Variants in ANKRD17 observed in about 807,000 individuals in gnomAD.
ANKRD17 encodes the protein ankyrin repeat domain-containing protein 17.
A neutral mutation model predicts 229.7 loss-of-function variants in ANKRD17; 19 were observed. That is an observed-to-expected ratio of 0.08 (90% CI 0.06 to 0.12). The LOEUF (loss-of-function observed/expected upper bound fraction) is 0.12. ANKRD17 is among the 10% of genes least tolerant of loss of function. The pLI, the probability that ANKRD17 is intolerant of heterozygous loss-of-function variation, is 1.00. For synonymous variants in ANKRD17, 1,112 were observed against 1,146.1 expected (o/e 0.97, Z 0.60); for missense variants, 2,176 against 3,176.8 (o/e 0.68, Z 7.57).
Position 73,125,298 on chromosome 4 carries a change from A to T in ANKRD17, c.3249T>A (p.His1083Gln). 6.2e-7 allele frequency: 1 copy of T among 1,609,660 alleles called. No homozygotes were observed. Among genetic ancestry groups the T allele is most frequent in the Non-Finnish European group, 8.5e-7 (1 of 1,177,580 alleles). The change falls in exon 17 of 34, where the codon CAT becomes CAA. Residue 1083 changes from histidine to glutamine, a missense_variant. Transcript: ENST00000358602. The part of the protein sequence containing the change: ...IDIDAQTESN[H>Q]DTALTLACAG... ...CACAGGCAAGTGTTAGTGCCGTGTC[A>T]TGATTACTCTCAGTCTATAAGAAAT...
intron 18 of ANKRD17, among the ~76,000 whole-genome samples, chr4:73,122,089 AT>A (rs1333210940): frequency 6.6e-6 from 1 of 152,142 alleles, no homozygotes; most frequent in Non-Finnish European, 1.5e-5. Context: ...ATGGGACAAG[AT>A]TTTTTCGTAT....
At chr4:73,133,206 C>T (rs1560569478) in intron 16 of ANKRD17, among the ~76,000 whole-genome samples, 1 of 151,668 alleles carries the variant, frequency 6.6e-6, no homozygotes, top group East Asian at 2.0e-4. Flanking sequence ...GCCAAGATTG[C>T]CACTGCACTC....
chr4:73,103,276 G>C (rs1203928064), intron 24 of ANKRD17, among the ~76,000 whole-genome samples: 4 of 151,720 alleles, frequency 2.6e-5, no homozygotes, highest in Non-Finnish European at 5.9e-5. Flanking sequence ...TTTGTGCATC[G>C]ATTTGTATAA....
chr4:73,112,891 G>T, intron 24 of ANKRD17: 1 of 281,378 alleles, frequency 3.6e-6, no homozygotes, highest in Non-Finnish European at 5.4e-6. Flanking sequence ...AGGTTCAAGT[G>T]ATTCTCCTGC....
At chr4:73,078,505 T>G in intron 31 of ANKRD17, 137 bp downstream of exon 31, 1 of 1,083,928 alleles carries the variant, frequency 9.2e-7, no homozygotes, top group South Asian at 1.7e-5. Context: ...CCCATTGCAC[T>G]CCAGCCTGAG....
At chr4:73,251,097 G>A (rs1476464078) in intron 1 of ANKRD17, among the ~76,000 whole-genome samples, 11 of 151,944 alleles carry the variant, frequency 7.2e-5, no homozygotes, top group Admixed American at 6.6e-4. Flanking sequence ...AAAGTGAGAC[G>A]CCATCTCTAC....
chr4:73,207,772 T>C lies in ANKRD17; in HGVS notation c.394-30239A>G, dbSNP rs987510559. Reference sequence around the variant, plus strand: ...CCTCATGAGGAAGCTCCAAAATACATGAAGCAAAAACTGACAAATCGGAAA... The same window carrying C: ...CCTCATGAGGAAGCTCCAAAATACACGAAGCAAAAACTGACAAATCGGAAA... On this transcript the variant is annotated intron_variant, in intron 1 of 33. Transcript: ENST00000358602. 2.6e-5 allele frequency among the ~76,000 whole-genome samples: 4 copies of C among 152,164 alleles called. 1 individual carries two copies. Among genetic ancestry groups the C allele is most frequent in the African/African-American group, 2.4e-5 (1 of 41,452 alleles).
At chr4:73,233,095 C>T (rs1214044114) in intron 1 of ANKRD17, among the ~76,000 whole-genome samples, 1 of 152,094 alleles carries the variant, frequency 6.6e-6, no homozygotes, top group Non-Finnish European at 1.5e-5. Flanking sequence ...GCTACAAAGG[C>T]ACAAGACGAA....
chr4:73,102,740 T>C, intron 24 of ANKRD17, 193 bp from the exon 25 acceptor site: 1 of 563,580 alleles, frequency 1.8e-6, no homozygotes, highest in Non-Finnish European at 3.0e-6. Flanking sequence ...CAAGATCAAA[T>C]TAACAATATA....
At chr4:73,247,754 T>C (rs1299118278) in intron 1 of ANKRD17, among the ~76,000 whole-genome samples, 1 of 152,000 alleles carries the variant, frequency 6.6e-6, no homozygotes, top group African/African-American at 2.4e-5. Context: ...CTTCAATTGA[T>C]ATATTTGAAG....
At chr4:73,090,409 C>T (rs1722676946) in intron 29 of ANKRD17, among the ~76,000 whole-genome samples, 2 of 151,900 alleles carry the variant, frequency 1.3e-5, no homozygotes, top group South Asian at 4.1e-4. Flanking sequence ...GACTCTGTCT[C>T]AAAAAGCAAA....
chr4:73,243,159 AG>A (rs1478399934), intron 1 of ANKRD17, among the ~76,000 whole-genome samples: 4 of 152,146 alleles, frequency 2.6e-5, no homozygotes, highest in African/African-American at 9.7e-5. Context: ...ACGACAGTCA[AG>A]GAACTAGAAG....
At chr4:73,168,620 T>C (rs768954537) in intron 2 of ANKRD17, among the ~76,000 whole-genome samples, 6 of 152,168 alleles carry the variant, frequency 3.9e-5, no homozygotes, top group Non-Finnish European at 7.3e-5. Context: ...TTCACAGTAG[T>C]TATGTTAAGT....
rs1405411101 is a variant in ANKRD17 at position 73,097,258 on chromosome 4, A to G, written c.5036T>C (p.Ile1679Thr). 6.3e-7 allele frequency: 1 copy of G among 1,577,996 alleles called. No homozygotes were observed. Among genetic ancestry groups the G allele is most frequent in the Admixed American group, 1.9e-5 (1 of 51,650 alleles). The change falls in exon 27 of 34, where the codon ATC (isoleucine) becomes ACC (threonine). Residue 1679 changes from isoleucine (I) to threonine (T), a missense_variant. Ile to Thr is a moderately conservative substitution (Grantham distance 89). Coordinates refer to ENST00000358602, the MANE Select transcript of ANKRD17 (RefSeq NM_032217.5). ...TAGAGAATTACTGGTCCCTTCACTGATAGTTTCTGACAATCTTTAACAAAG... is the reference window on the plus strand; with the variant it reads ...TAGAGAATTACTGGTCCCTTCACTGGTAGTTTCTGACAATCTTTAACAAAG... ...GKASIKLSET[I>T]SEGTSNSLST...
intron 24 of ANKRD17, among the ~76,000 whole-genome samples, chr4:73,108,137 A>C (rs1389103820): frequency 6.6e-6 from 1 of 152,116 alleles, no homozygotes; most frequent in East Asian, 1.9e-4. Context: ...GCTAATTTTC[A>C]GGCAAAGGTA....
intron 1 of ANKRD17, among the ~76,000 whole-genome samples, chr4:73,178,580 G>A (rs1735042498): frequency 6.6e-6 from 1 of 151,784 alleles, no homozygotes; most frequent in South Asian, 2.1e-4. Flanking sequence ...ACCCACCACT[G>A]TTTTTGCACC....
At position 73,155,636 on chromosome 4, in the gene ANKRD17, G is replaced by A. The variant is rs200157268; in HGVS notation, c.995C>T (p.Ser332Leu). Residue 332 changes from serine (S) to leucine (L), a missense_variant, in exon 5 of 34, where the codon TCA becomes TTA. Around this residue, in one of 18 missense-constraint regions of ANKRD17, gnomAD observed 184 missense variants for 357.8 expected, o/e 0.51. Coordinates refer to ENST00000358602, the MANE Select transcript of ANKRD17 (RefSeq NM_032217.5). ...GAAAAAGAAATAGGCATGACCTGTT[G>A]AAGACTGTGCATTAACATCTGCTTT... ...AHKADVNAQS[S>L]TGNTALTYAC... 21 of 1,614,082 alleles carry A rather than the reference G, an allele frequency of 1.3e-5. No individual in the cohort carries two copies. The East Asian group carries it at 4.2e-4, about 33-fold the overall frequency.
At chr4:73,186,761 A>G (rs1736347888) in intron 1 of ANKRD17, among the ~76,000 whole-genome samples, 1 of 152,196 alleles carries the variant, frequency 6.6e-6, no homozygotes, top group South Asian at 2.1e-4. Context: ...TGGAATTCTC[A>G]AATCTAGAGT....
intron 24 of ANKRD17, among the ~76,000 whole-genome samples, chr4:73,104,953 G>A (rs1724440395): frequency 6.6e-6 from 1 of 152,154 alleles, no homozygotes; most frequent in African/African-American, 2.4e-5. Context: ...TTTGGCAAGA[G>A]TAATATGAGT....
Sources: gnomAD v4.1 joint callset for allele counts (sites outside exome capture counted in the v4.1 genomes callset) on GRCh38, gnomAD v4.1.1 for gene constraint, gnomAD v4.1.1 regional missense constraint, MANE v1.5 for transcripts, NCBI Gene and HGNC (gene_info 2026-07-23, HGNC 2026-07-21) for gene names.